The following TPRG1 variants were observed in gnomAD, a reference collection of about 807,000 sequenced individuals.
The protein encoded by TPRG1 is tumor protein p63-regulated gene 1 protein.
A neutral mutation model predicts 29.3 loss-of-function variants in TPRG1; 29 were observed. That is an observed-to-expected ratio of 0.99 (90% CI 0.74 to 1.35). The LOEUF (loss-of-function observed/expected upper bound fraction) is 1.35, where lower values mean the gene tolerates loss of function less well. Among genes scored for constraint, TPRG1 ranks in the 40% most tolerant of loss-of-function variants. The probability of loss-of-function intolerance (pLI) is 0.00; values close to 1 mark genes in which losing one functional copy is unlikely to be tolerated. For missense variants in TPRG1, 327 were observed against 335.0 expected (o/e 0.98, Z 0.19); for synonymous variants, 130 against 116.8 (o/e 1.11, Z -0.73).
intron 3 of TPRG1, chr3:189,218,027 G>T (rs1010482920): frequency 6.1e-6 from 6 of 985,210 alleles, no homozygotes; most frequent in Non-Finnish European, 7.2e-6. Context: ...ATTACTCCTG[G>T]CTTCTTGCTT....
At chr3:189,270,896 G>GATA (rs200761763) in intron 4 of TPRG1, among the ~76,000 whole-genome samples, 1 of 151,818 alleles carries the variant, frequency 6.6e-6, no homozygotes, top group African/African-American at 2.4e-5. Context: ...TCAAAATAAT[G>GATA]ATAATAATAA....
intron 3 of TPRG1, among the ~76,000 whole-genome samples, chr3:189,139,613 C>T (rs746512362): frequency 2.6e-5 from 4 of 151,634 alleles, no homozygotes; most frequent in African/African-American, 9.7e-5. Context: ...AATATAGCAG[C>T]GTTTTCTTTT....
chr3:189,208,276 T>C (rs765244855), intron 2 of TPRG1, among the ~76,000 whole-genome samples: 6 of 152,354 alleles, frequency 3.9e-5, no homozygotes, highest in East Asian at 1.9e-4. Flanking sequence ...TTCCTACTTA[T>C]AGATCCTCTT....
chr3:189,239,676 G>A (rs1395708815), intron 4 of TPRG1, among the ~76,000 whole-genome samples: 1 of 152,184 alleles, frequency 6.6e-6, no homozygotes, highest in Non-Finnish European at 1.5e-5. Context: ...GCTAAAAAGA[G>A]TAATGCCTCT....
intron 4 of TPRG1, among the ~76,000 whole-genome samples, chr3:189,275,479 C>T (rs979699775): frequency 2.0e-5 from 3 of 151,954 alleles, no homozygotes; most frequent in African/African-American, 4.8e-5. Context: ...TAGTATAAGA[C>T]GAGACCTTTG....
At chr3:189,080,793 C>T (rs570015491) in intron 4 of TPRG1, among the ~76,000 whole-genome samples, 1 of 151,418 alleles carries the variant, frequency 6.6e-6, no homozygotes, top group East Asian at 1.9e-4. Context: ...TATTGAATAG[C>T]ACTGGGATTA....
At chr3:189,304,337 C>T (rs1721296142) in intron 4 of TPRG1, among the ~76,000 whole-genome samples, 1 of 152,180 alleles carries the variant, frequency 6.6e-6, no homozygotes, top group African/African-American at 2.4e-5. Flanking sequence ...AATTCTCACT[C>T]AAGGTTTTTA....
chr3:189,204,708 T>C (rs958273275), intron 1 of TPRG1, among the ~76,000 whole-genome samples: 1 of 152,182 alleles, frequency 6.6e-6, no homozygotes, highest in Non-Finnish European at 1.5e-5. Context: ...ATGTCTGTTG[T>C]TAGGCGTGTG....
At chr3:189,099,431 G>T (rs1188908803), upstream of TPRG1, among the ~76,000 whole-genome samples, 1 of 152,154 alleles carries the variant, frequency 6.6e-6, no homozygotes, top group East Asian at 1.9e-4. Context: ...AGGCCGAGCG[G>T]TGGTGTGAGA....
At chr3:189,312,182 TTTTTTTCTTTC>T (rs1560689677) in intron 5 of TPRG1, among the ~76,000 whole-genome samples, 33 of 47,708 alleles carry the variant, frequency 6.9e-4, no homozygotes, top group African/African-American at 2.2e-3. Context: ...TCTTTCTTTC[TTTTTTTCTTTC>T]TTTCTTTCTT....
intron 1 of TPRG1, among the ~76,000 whole-genome samples, chr3:189,204,633 G>A (rs997201998): frequency 6.6e-6 from 1 of 152,174 alleles, no homozygotes; most frequent in Non-Finnish European, 1.5e-5. Context: ...AAGACAGCCT[G>A]AGGGAGAGGA....
At chr3:189,236,854 C>T (rs1739547478) in intron 3 of TPRG1, among the ~76,000 whole-genome samples, 2 of 152,130 alleles carry the variant, frequency 1.3e-5, no homozygotes, top group Admixed American at 1.3e-4. Context: ...CAACTCCTAA[C>T]TGCATCTTGC....
chr3:189,010,527 T>C lies in TPRG1; in HGVS notation c.-660+5767T>C, dbSNP rs142831349. ...TGGTTTTTGATTTGCATTTCGCTAA[T>C]AATCTGTGATGTTGAGCATTTTTTT... On this transcript the variant is annotated intron_variant, in intron 3 of 10. Coordinates refer to the TPRG1 transcript ENST00000433971. Among the ~76,000 whole-genome samples the C allele has an allele frequency of 1.6e-3, 245 of 152,348 alleles. 2 individuals carry two copies. The East Asian group carries it at 0.017, about 10-fold the overall frequency.
intron 4 of TPRG1, among the ~76,000 whole-genome samples, chr3:189,081,908 C>T (rs1034903573): frequency 1.3e-5 from 2 of 151,984 alleles, no homozygotes; most frequent in African/African-American, 2.4e-5. Context: ...TGGAATTTGC[C>T]TGGGATTCAT....
chr3:189,155,801 A>T (rs1366916034), intron 5 of TPRG1, among the ~76,000 whole-genome samples: 2 of 152,214 alleles, frequency 1.3e-5, no homozygotes, highest in Non-Finnish European at 2.9e-5. Context: ...TCATAGAAGC[A>T]GAGTGTAGAA....
intron 4 of TPRG1, among the ~76,000 whole-genome samples, chr3:189,279,090 A>G (rs1716659565): frequency 6.6e-6 from 1 of 152,242 alleles, no homozygotes; most frequent in Non-Finnish European, 1.5e-5. Context: ...ATCTGCTTCA[A>G]CTGCTAACTC....
intron 4 of TPRG1, among the ~76,000 whole-genome samples, chr3:189,028,340 AG>A (rs2152128346): frequency 6.6e-6 from 1 of 152,278 alleles, no homozygotes; most frequent in Admixed American, 6.5e-5. Flanking sequence ...AAAGGTGGAG[AG>A]AACGAATGAA....
chr3:189,276,876 C>T (rs1560638972), intron 4 of TPRG1, among the ~76,000 whole-genome samples: 1 of 151,994 alleles, frequency 6.6e-6, no homozygotes, highest in Non-Finnish European at 1.5e-5. Context: ...ATTTCTTCCT[C>T]CTTTCTTTTT....
intron 2 of TPRG1, 53 bp from the exon 3 acceptor site, chr3:189,215,239 C>T (rs749353537): frequency 1.8e-5 from 26 of 1,457,752 alleles, no homozygotes; most frequent in East Asian, 7.0e-5. Context: ...TAATCATAAG[C>T]GCGAAGTGGG....
Sources: allele counts gnomAD v4.1 joint callset (sites outside exome capture counted in the v4.1 genomes callset), GRCh38; gene constraint gnomAD v4.1.1; transcripts MANE v1.5; gene names NCBI Gene and HGNC (gene_info 2026-07-23, HGNC 2026-07-21).